The following FRMPD4 variants were observed in gnomAD, a reference collection of about 807,000 sequenced individuals.
FRMPD4 encodes the protein FERM and PDZ domain containing 4, also known as FERM and PDZ domain-containing protein 4.
FRMPD4 carries 22 observed loss-of-function variants against 94.1 expected under a neutral mutation model. That is an observed-to-expected ratio of 0.23 (90% CI 0.17 to 0.33). The LOEUF is 0.33. FRMPD4 is among the 10% of genes least tolerant of loss of function. FRMPD4 has a pLI of 1.00. For missense variants in FRMPD4, 1,111 were observed against 1,339.9 expected (o/e 0.83, Z 2.67); for synonymous variants, 631 against 548.6 (o/e 1.15, Z -2.10).
At chrX:11,943,589 C>A (rs968886037) in intron 3 of FRMPD4, among the ~76,000 whole-genome samples, 5 of 110,597 alleles carry the variant, frequency 4.5e-5, no homozygotes, top group Non-Finnish European at 7.6e-5. Flanking sequence ...ATAACTGACC[C>A]ACTCCCAAGA....
At chrX:12,582,467 G>A in intron 2 of FRMPD4, among the ~76,000 whole-genome samples, 1 of 111,618 alleles carries the variant, frequency 9.0e-6, no homozygotes, top group East Asian at 2.8e-4. Context: ...CCTGAGACAA[G>A]GATTTCTGGC....
At chrX:12,669,938 T>G (rs4830790) in intron 4 of FRMPD4, among the ~76,000 whole-genome samples, 30,006 of 111,255 alleles carry the variant, frequency 0.27, 3,246 homozygotes, top group East Asian at 0.62. Context: ...TTTGTGGTAA[T>G]TCGTTATAGC....
At chrX:11,977,386 C>A (rs917486113) in intron 3 of FRMPD4, among the ~76,000 whole-genome samples, 1 of 112,307 alleles carries the variant, frequency 8.9e-6, no homozygotes, top group Non-Finnish European at 1.9e-5. Context: ...AATCTCCAAG[C>A]CTGAAGTCCT....
intron 3 of FRMPD4, among the ~76,000 whole-genome samples, chrX:12,011,926 G>A (rs1347667507): frequency 9.5e-6 from 1 of 105,148 alleles, no homozygotes; most frequent in Non-Finnish European, 1.9e-5. Context: ...TTTTTTGATG[G>A]AGTCTCGCTG....
chrX:12,469,398 C>T (rs1180714351), intron 1 of FRMPD4, among the ~76,000 whole-genome samples: 1 of 111,089 alleles, frequency 9.0e-6, no homozygotes, highest in Non-Finnish European at 1.9e-5. Flanking sequence ...TACCGGCGCA[C>T]ACTGCCTTGC....
intron 1 of FRMPD4, among the ~76,000 whole-genome samples, chrX:11,845,228 C>T (rs753029541): frequency 1.8e-5 from 2 of 111,725 alleles, no homozygotes; most frequent in Admixed American, 9.6e-5. Context: ...ATTATAGGTC[C>T]CTCTTTCATT....
chrX:12,469,991 T>C (rs1273810116), intron 1 of FRMPD4, among the ~76,000 whole-genome samples: 1 of 112,070 alleles, frequency 8.9e-6, no homozygotes, highest in Non-Finnish European at 1.9e-5. Context: ...GAAATGGAAA[T>C]ACTGATTTCC....
intron 3 of FRMPD4, among the ~76,000 whole-genome samples, chrX:12,035,303 C>T (rs2054714943): frequency 9.0e-6 from 1 of 111,289 alleles, no homozygotes; most frequent in South Asian, 3.8e-4. Flanking sequence ...ATTGCTTATA[C>T]AACACCACAA....
At chrX:12,056,518 A>G (rs2147456813) in intron 3 of FRMPD4, among the ~76,000 whole-genome samples, 1 of 111,490 alleles carries the variant, frequency 9.0e-6, no homozygotes, top group East Asian at 2.8e-4. Context: ...TCTGGTTTCT[A>G]TGACCCGCCT....
chrX:12,377,145 C>T (rs1338971802), intron 1 of FRMPD4, among the ~76,000 whole-genome samples: 1 of 112,276 alleles, frequency 8.9e-6, no homozygotes, highest in Non-Finnish European at 1.9e-5. Flanking sequence ...TATCTAAACA[C>T]GAAAGCACAC....
At chrX:11,902,357 T>TG (rs963814043) in intron 3 of FRMPD4, among the ~76,000 whole-genome samples, 7 of 111,116 alleles carry the variant, frequency 6.3e-5, no homozygotes, top group Non-Finnish European at 1.3e-4. Flanking sequence ...TGGTTCCTTG[T>TG]GAGGGCTCTC....
chrX:12,524,870 A>G (rs2058205153), intron 2 of FRMPD4, among the ~76,000 whole-genome samples: 1 of 111,850 alleles, frequency 8.9e-6, no homozygotes, highest in South Asian at 3.8e-4. Context: ...AATCCATGGG[A>G]CATATGCACC....
intron 1 of FRMPD4, among the ~76,000 whole-genome samples, chrX:12,483,455 G>T (rs1318111109): frequency 8.9e-6 from 1 of 112,006 alleles, no homozygotes; most frequent in East Asian, 2.8e-4. Context: ...AAACTTTATG[G>T]ATCCCAATTT....
At chrX:12,163,955 G>A (rs1473392628) in intron 1 of FRMPD4, among the ~76,000 whole-genome samples, 1 of 111,620 alleles carries the variant, frequency 9.0e-6, no homozygotes, top group Non-Finnish European at 1.9e-5. Flanking sequence ...GCAGTTTTGT[G>A]CATACACTAT....
chrX:12,315,595 T>C (rs1278552413), intron 1 of FRMPD4, among the ~76,000 whole-genome samples: 1 of 111,782 alleles, frequency 8.9e-6, no homozygotes, highest in African/African-American at 3.3e-5. Flanking sequence ...TAAAAAAATA[T>C]GCAGATTTTC....
At chrX:12,514,837 G>A (rs2058079401) in intron 2 of FRMPD4, among the ~76,000 whole-genome samples, 1 of 111,754 alleles carries the variant, frequency 8.9e-6, no homozygotes, top group Non-Finnish European at 1.9e-5. Flanking sequence ...AAATCCGTCT[G>A]GCCCTGGGCT....
intron 1 of FRMPD4, among the ~76,000 whole-genome samples, chrX:12,168,504 T>G (rs1293960006): frequency 9.0e-6 from 1 of 111,444 alleles, no homozygotes; most frequent in Non-Finnish European, 1.9e-5. Flanking sequence ...AGGAAGATTT[T>G]TAGATGCTCC....
At chrX:12,633,053 T>C (rs2059410249) in intron 4 of FRMPD4, among the ~76,000 whole-genome samples, 1 of 111,677 alleles carries the variant, frequency 9.0e-6, no homozygotes, top group South Asian at 3.8e-4. Context: ...AGGGGCGTAA[T>C]TGGACTGATT....
In FRMPD4 at chrX:12,302,801, T is replaced by C. The variant is rs1457036672; in HGVS notation, c.41+163789T>C. Among the ~76,000 whole-genome samples the C allele has an allele frequency of 3.6e-5, 4 of 112,252 alleles. No individual in the cohort carries two copies. In the East Asian group the frequency reaches 1.1e-3, roughly 31 times the overall value. On this transcript the variant is annotated intron_variant, in intron 1 of 16. Transcript: ENST00000675598. ...GAATATTTAAAAATTTATAACCAGTTATTCTTATTTTCCAGGTAGGCTTTT... is the reference window on the plus strand; with the variant it reads ...GAATATTTAAAAATTTATAACCAGTCATTCTTATTTTCCAGGTAGGCTTTT...
Sources: allele counts gnomAD v4.1 joint callset (sites outside exome capture counted in the v4.1 genomes callset), GRCh38; gene constraint gnomAD v4.1.1; transcripts MANE v1.5; gene names NCBI Gene and HGNC (gene_info 2026-07-23, HGNC 2026-07-21).